The following PLEKHM3 variants were observed in gnomAD, a reference collection of about 807,000 sequenced individuals.
PLEKHM3 encodes the protein pleckstrin homology domain-containing family M member 3.
A neutral mutation model predicts 81.8 loss-of-function variants in PLEKHM3; 45 were observed. The ratio of observed to expected loss-of-function variants is 0.55; its 90% CI spans 0.43 to 0.71. PLEKHM3 has a LOEUF of 0.71. Ranked by LOEUF, PLEKHM3 falls within the 30% of genes least tolerant of loss-of-function variation. PLEKHM3 has a pLI of 0.00. For missense variants in PLEKHM3, 788 were observed against 924.3 expected, an observed-to-expected ratio of 0.85 and a Z score of 1.91; for synonymous variants, 352 against 356.4, an observed-to-expected ratio of 0.99 and a Z score of 0.14.
chr2:207,912,825 C>G (rs1288619317), intron 5 of PLEKHM3, among the ~76,000 whole-genome samples: 1 of 152,180 alleles, frequency 6.6e-6, no homozygotes, highest in African/African-American at 2.4e-5. Context: ...CTTACGCACA[C>G]TGCCATTTAT....
At chr2:207,833,316 C>T (rs573400836) in intron 7 of PLEKHM3, among the ~76,000 whole-genome samples, 2 of 152,148 alleles carry the variant, frequency 1.3e-5, no homozygotes, top group Non-Finnish European at 2.9e-5. Flanking sequence ...CTGTGTGATA[C>T]ATGAAATGAA....
chr2:207,924,929 G>C (rs1689337572), intron 5 of PLEKHM3, among the ~76,000 whole-genome samples: 1 of 152,080 alleles, frequency 6.6e-6, no homozygotes, highest in Non-Finnish European at 1.5e-5. Context: ...GAAGGACAGG[G>C]AGAAGGAGGT....
chr2:207,942,898 CA>C, intron 4 of PLEKHM3, among the ~76,000 whole-genome samples: 1 of 151,402 alleles, frequency 6.6e-6, no homozygotes, highest in Non-Finnish European at 1.5e-5. Context: ...GACTCCATCT[CA>C]AAAAAAATAA....
rs1177948830 is a variant in PLEKHM3 at position 208,011,785 on chromosome 2, C to CTTT, written c.-318-9831_-318-9829dup. On this transcript the variant is annotated intron_variant, in intron 1 of 7. Coordinates refer to ENST00000427836, the MANE Select transcript of PLEKHM3 (RefSeq NM_001080475.3). ...AAAAATTTTTAAGTGCTCTGATAAA[C>CTTT]TTTTTTTTTTTTTTTTTTTTTTTTT... Among the ~76,000 whole-genome samples, 419 of 79,992 alleles carry CTTT rather than the reference C, an allele frequency of 5.2e-3. 76 individuals are homozygous for CTTT. The highest frequency in any genetic ancestry group is 0.018 in the African/African-American group (295 of 16,768). The allele number at this position is 79,992 out of a possible 152,430, so 52.5% of individuals were successfully genotyped here.
In PLEKHM3 at chr2:207,843,650, C is replaced by T. The variant is rs1485366002; in HGVS notation, c.2109-15154G>A. ...CTGCCTCCCTCTCTGACTCCTGTGT[C>T]TTCTGCTACCAAGGGAAATTTGCTT... On this transcript the variant is annotated intron_variant, in intron 7 of 7. Transcript: ENST00000427836. The surrounding 1 kb of genome is among the most constrained non-coding windows in gnomAD (Gnocchi z 4.4). 6.6e-6 allele frequency among the ~76,000 whole-genome samples: 1 copy of T among 152,160 alleles called. No individual in the cohort carries two copies. Among genetic ancestry groups the T allele is most frequent in the Admixed American group, 6.5e-5 (1 of 15,280 alleles).
At chr2:207,964,003 G>A (rs990057049) in intron 3 of PLEKHM3, among the ~76,000 whole-genome samples, 4 of 152,140 alleles carry the variant, frequency 2.6e-5, no homozygotes, top group African/African-American at 9.7e-5. Context: ...CCTGAGGTCC[G>A]GAGTTTGAGA....
At chr2:207,965,606 C>G (rs1461294053) in intron 3 of PLEKHM3, among the ~76,000 whole-genome samples, 1 of 152,148 alleles carries the variant, frequency 6.6e-6, no homozygotes, top group Non-Finnish European at 1.5e-5. Flanking sequence ...GTGATCAAAT[C>G]TCTTTGAATT....
chr2:207,850,510 C>T (rs968143387), intron 7 of PLEKHM3, among the ~76,000 whole-genome samples: 4 of 152,194 alleles, frequency 2.6e-5, no homozygotes, highest in African/African-American at 4.8e-5. Context: ...GGTTTATTTT[C>T]TAAGTCCCAT....
At chr2:208,002,025 G>A (rs1004977481) in intron 1 of PLEKHM3, 68 bp from the exon 2 acceptor site, 11 of 193,490 alleles carry the variant, frequency 5.7e-5, no homozygotes, top group African/African-American at 1.9e-4. Flanking sequence ...CAAGTCTGCC[G>A]AATTGCTTTC....
intron 5 of PLEKHM3, among the ~76,000 whole-genome samples, chr2:207,926,901 C>G (rs12475798): frequency 0.063 from 9,656 of 152,244 alleles, 428 homozygotes; most frequent in Non-Finnish European, 0.098. Flanking sequence ...GGCGGTCGAG[C>G]GCTAATACAA....
intron 3 of PLEKHM3, among the ~76,000 whole-genome samples, chr2:207,957,156 T>C (rs1690542394): frequency 6.6e-6 from 1 of 152,096 alleles, no homozygotes; most frequent in Non-Finnish European, 1.5e-5. Context: ...GAAAATGCTA[T>C]TTGAAGCATT....
intron 3 of PLEKHM3, among the ~76,000 whole-genome samples, chr2:207,969,405 C>CCA (rs1691033948): frequency 6.6e-6 from 1 of 152,222 alleles, no homozygotes; most frequent in Non-Finnish European, 1.5e-5. Flanking sequence ...GAGTAATTAA[C>CCA]CACCCCATAC....
chr2:207,997,206 A>G (rs1229717931), intron 2 of PLEKHM3, among the ~76,000 whole-genome samples: 5 of 152,082 alleles, frequency 3.3e-5, no homozygotes, highest in African/African-American at 1.2e-4. Flanking sequence ...TAGCTGCTAC[A>G]CCCTAGCTAC....
chr2:207,940,273 T>C (rs547433403), intron 4 of PLEKHM3, among the ~76,000 whole-genome samples: 19 of 152,212 alleles, frequency 1.2e-4, no homozygotes, highest in Non-Finnish European at 2.6e-4. Flanking sequence ...TCACAGTCAT[T>C]TGCTAAGTGC....
intron 4 of PLEKHM3, among the ~76,000 whole-genome samples, chr2:207,938,764 C>T (rs142450526): frequency 6.6e-6 from 1 of 152,244 alleles, no homozygotes; most frequent in East Asian, 1.9e-4. Context: ...ACGGATGAAG[C>T]GAGTGTACCT....
At chr2:208,017,439 C>T (rs189157631) in intron 1 of PLEKHM3, among the ~76,000 whole-genome samples, 19 of 152,242 alleles carry the variant, frequency 1.2e-4, no homozygotes, top group African/African-American at 4.6e-4. Flanking sequence ...CAAGGTTCCT[C>T]CAGCATTTTC....
intron 2 of PLEKHM3, among the ~76,000 whole-genome samples, chr2:207,998,251 C>A (rs193184288): frequency 2.0e-5 from 3 of 152,346 alleles, no homozygotes; most frequent in African/African-American, 4.8e-5. Context: ...CGCCTGTAAC[C>A]CCAACAGTTT....
chr2:207,991,758 G>A (rs1298165385), intron 2 of PLEKHM3, among the ~76,000 whole-genome samples: 2 of 152,148 alleles, frequency 1.3e-5, no homozygotes, highest in African/African-American at 4.8e-5. Context: ...AATGATGGGA[G>A]AGAAGAGAAA....
intron 6 of PLEKHM3, among the ~76,000 whole-genome samples, chr2:207,880,677 G>T (rs780000381): frequency 7.0e-6 from 1 of 142,326 alleles, no homozygotes; most frequent in African/African-American, 2.6e-5. Flanking sequence ...GCAGGAGAAT[G>T]GCGTGAACCC....
Sources: gnomAD v4.1 joint callset for allele counts (sites outside exome capture counted in the v4.1 genomes callset) on GRCh38, gnomAD v4.1.1 for gene constraint, Gnocchi (gnomAD v3.1) non-coding constraint, MANE v1.5 for transcripts, NCBI Gene and HGNC (gene_info 2026-07-23, HGNC 2026-07-21) for gene names.